The following DAB2 variants were observed in gnomAD, a reference collection of about 807,000 sequenced individuals.
DAB2 encodes DAB adaptor protein 2, also known as disabled homolog 2.
In DAB2, 28 loss-of-function variants were observed where a neutral mutation model predicts 71.6. That is an observed-to-expected ratio of 0.39 (90% CI 0.29 to 0.54). The LOEUF (loss-of-function observed/expected upper bound fraction) is 0.54. Ranked by LOEUF, DAB2 falls within the 20% of genes least tolerant of loss-of-function variation. The pLI is 0.68. For missense variants in DAB2, 867 were observed against 928.8 expected, an observed-to-expected ratio of 0.93 and a Z score of 0.86; for synonymous variants, 345 against 339.7, an observed-to-expected ratio of 1.02 and a Z score of -0.17.
At chr5:39,406,638 T>G (rs1318435954) in intron 1 of DAB2, among the ~76,000 whole-genome samples, 1 of 152,220 alleles carries the variant, frequency 6.6e-6, no homozygotes, top group Non-Finnish European at 1.5e-5. Flanking sequence ...TGGAAGAAGA[T>G]TTTAGAAAGC....
chr5:39,413,395 T>C (rs1303070444), intron 1 of DAB2, among the ~76,000 whole-genome samples: 1 of 152,180 alleles, frequency 6.6e-6, no homozygotes, highest in African/African-American at 2.4e-5. Flanking sequence ...CAAAGGCCAT[T>C]ATGTCTTACA....
chr5:39,402,072 G>C (rs933865524), intron 1 of DAB2, among the ~76,000 whole-genome samples: 1 of 152,206 alleles, frequency 6.6e-6, no homozygotes, highest in African/African-American at 2.4e-5. Context: ...AATCGAAAAG[G>C]GAAACCCCTT....
chr5:39,377,421 T>A (rs1754860584), intron 11 of DAB2, 139 bp from the exon 12 acceptor site: 2 of 855,100 alleles, frequency 2.3e-6, no homozygotes, highest in South Asian at 3.7e-5. Context: ...GGGAAGAATA[T>A]GACAGATTAA....
intron 2 of DAB2, 66 bp downstream of exon 2, chr5:39,394,164 C>G: frequency 7.7e-7 from 1 of 1,299,266 alleles, no homozygotes; most frequent in Non-Finnish European, 1.1e-6. Flanking sequence ...TATTCTGAAT[C>G]TCACATTTCT....
chr5:39,383,301 A>C, intron 9 of DAB2, 30 bp from the exon 10 acceptor site: 1 of 1,526,284 alleles, frequency 6.6e-7, no homozygotes, highest in Non-Finnish European at 8.9e-7. Flanking sequence ...AAAAAAAGAA[A>C]GTGTTAGTCC....
In DAB2 at chr5:39,389,949, C is replaced by G; in HGVS notation, c.463-17G>C. ...TGGTTCAGCCTGCAGTAAGGGAAAG[C>G]ACTGTTATCCGTATTTTAATTTTAG... is the stretch of plus-strand genomic sequence containing the variant. On this transcript the variant is annotated splice_polypyrimidine_tract_variant and intron_variant, in intron 5 of 14. Transcript: ENST00000320816. 1 of 1,471,266 alleles carries G rather than the reference C, an allele frequency of 6.8e-7. No homozygotes were observed. Among genetic ancestry groups the G allele is most frequent in the East Asian group, 2.3e-5 (1 of 42,880 alleles). 91.1% of individuals were successfully genotyped at this position (1,471,266 alleles called of 1,614,324 possible). A position where few individuals can be genotyped will look rare whatever the true frequency, so the allele number is the denominator to read the frequency against.
intron 1 of DAB2, among the ~76,000 whole-genome samples, chr5:39,420,973 G>A (rs1325842809): frequency 6.6e-6 from 1 of 152,078 alleles, no homozygotes; most frequent in Non-Finnish European, 1.5e-5. Flanking sequence ...AGTTTAATCC[G>A]GGTGGTCCCT....
chr5:39,404,282 A>G (rs1283651432), intron 1 of DAB2, among the ~76,000 whole-genome samples: 1 of 150,624 alleles, frequency 6.6e-6, no homozygotes, highest in African/African-American at 2.4e-5. Flanking sequence ...ATTAGGAGAT[A>G]TACCTAATGT....
intron 1 of DAB2, among the ~76,000 whole-genome samples, chr5:39,420,147 C>T (rs760795028): frequency 1.8e-4 from 27 of 152,290 alleles, no homozygotes; most frequent in Non-Finnish European, 3.8e-4. Flanking sequence ...GAACTATTGT[C>T]TTAGATGAGT....
At chr5:39,411,959 G>C (rs1450425159) in intron 1 of DAB2, among the ~76,000 whole-genome samples, 4 of 152,060 alleles carry the variant, frequency 2.6e-5, no homozygotes, top group African/African-American at 9.7e-5. Flanking sequence ...AGTTTGCATA[G>C]TACCTCCAAA....
At chr5:39,401,107 G>A (rs1423564625) in intron 1 of DAB2, among the ~76,000 whole-genome samples, 1 of 152,164 alleles carries the variant, frequency 6.6e-6, no homozygotes, top group East Asian at 1.9e-4. Context: ...GGATTCTTAT[G>A]CTTTTAGGAA....
intron 1 of DAB2, among the ~76,000 whole-genome samples, chr5:39,414,144 A>G (rs959248435): frequency 2.0e-5 from 3 of 152,186 alleles, no homozygotes; most frequent in Non-Finnish European, 4.4e-5. Context: ...TGGATGGCCT[A>G]TAGTTGGTTT....
intron 10 of DAB2, among the ~76,000 whole-genome samples, chr5:39,382,266 G>C (rs1343712017): frequency 2.0e-5 from 3 of 152,158 alleles, no homozygotes; most frequent in Non-Finnish European, 4.4e-5. Context: ...TGTCAGGGAA[G>C]TACAAAGGGA....
intron 14 of DAB2, among the ~76,000 whole-genome samples, chr5:39,373,765 G>A (rs1754755235): frequency 6.6e-6 from 1 of 152,146 alleles, no homozygotes; most frequent in East Asian, 1.9e-4. Context: ...TTGACTCTGA[G>A]TGTAGTTTAC....
Position 39,389,749 on chromosome 5 carries a change from T to G in DAB2, c.543+103A>C, listed in dbSNP as rs141288720. 926 of 647,546 alleles carry G rather than the reference T, an allele frequency of 1.4e-3. 7 individuals are homozygous for G. The African/African-American group carries it at 0.015, about 11-fold the overall frequency. The allele number at this position is 647,546 out of a possible 1,614,324, so 40.1% of individuals were successfully genotyped here. A position where few individuals can be genotyped will look rare whatever the true frequency, so the allele number is the denominator to read the frequency against. ...CTGGTCTCGAACTCCTGACCTCAGG[T>G]GATCCACCCACCTCTGCCTCCCGAA... is the stretch of plus-strand genomic sequence containing the variant. On this transcript the variant is annotated intron_variant, in intron 6 of 14. Coordinates refer to ENST00000320816, the MANE Select transcript of DAB2 (RefSeq NM_001343.4).
At chr5:39,390,154 GA>G (rs910752485) in intron 5 of DAB2, among the ~76,000 whole-genome samples, 5 of 152,092 alleles carry the variant, frequency 3.3e-5, no homozygotes, top group African/African-American at 1.2e-4. Context: ...GAGGTATCAT[GA>G]TCATATTTGA....
At position 39,371,867 on chromosome 5, in the gene DAB2, A is replaced by T. The variant is rs1435792474; in HGVS notation, c.*1564T>A. On this transcript the variant is annotated 3_prime_UTR_variant, in exon 15 of 15. Transcript: ENST00000320816. ...ATTTGGACATTTAAAGTACTATTTC[A>T]AGTCTGTGTTTATAGTGACTGAGTA... The T allele has an allele frequency of 6.6e-6, 1 of 152,228 alleles. No individual in the cohort carries two copies. Among genetic ancestry groups the T allele is most frequent in the African/African-American group, 2.4e-5 (1 of 41,466 alleles). 9.4% of individuals were successfully genotyped at this position (152,228 alleles called of 1,614,324 possible).
intron 8 of DAB2, among the ~76,000 whole-genome samples, 166 bp from the exon 9 acceptor site, chr5:39,388,533 T>A (rs1214813227): frequency 1.3e-5 from 2 of 152,238 alleles, no homozygotes; most frequent in Non-Finnish European, 2.9e-5. Context: ...AGTGTAGACA[T>A]GTCTCAAAGC....
At chr5:39,385,047 C>T (rs1412769707) in intron 9 of DAB2, 2 of 151,920 alleles carry the variant, frequency 1.3e-5, no homozygotes, top group African/African-American at 4.8e-5. Flanking sequence ...AAAGAGACAG[C>T]AAAATCAGAC....
Sources: allele counts gnomAD v4.1 joint callset (sites outside exome capture counted in the v4.1 genomes callset), GRCh38; gene constraint gnomAD v4.1.1; transcripts MANE v1.5; gene names NCBI Gene and HGNC (gene_info 2026-07-23, HGNC 2026-07-21).